The following CLK4 variants were observed in gnomAD, a reference collection of about 807,000 sequenced individuals.
CLK4 encodes the protein dual specificity protein kinase CLK4.
In CLK4, 37 loss-of-function variants were observed where a neutral mutation model predicts 64.4. The ratio of observed to expected loss-of-function variants is 0.57; its 90% CI spans 0.44 to 0.76. The LOEUF (loss-of-function observed/expected upper bound fraction) is 0.76. Among genes scored for constraint, CLK4 ranks in the 30% least tolerant of loss-of-function variants. The probability of loss-of-function intolerance (pLI) is 0.00; values close to 1 mark genes in which losing one functional copy is unlikely to be tolerated. For missense variants in CLK4, 457 were observed against 605.1 expected, an observed-to-expected ratio of 0.76 and a Z score of 2.57; for synonymous variants, 175 against 191.6, an observed-to-expected ratio of 0.91 and a Z score of 0.72.
intron 2 of CLK4, chr5:178,619,919 G>T: frequency 1.8e-6 from 1 of 570,662 alleles, no homozygotes; most frequent in Non-Finnish European, 3.0e-6. Flanking sequence ...GGGGACACCT[G>T]CCCAGTCAGA....
At chr5:178,618,398 T>G (rs1438382651) in intron 3 of CLK4, 158 bp downstream of exon 3, 1 of 255,624 alleles carries the variant, frequency 3.9e-6, no homozygotes, top group Non-Finnish European at 7.0e-6. Flanking sequence ...TACAAGAATT[T>G]GGAGGTTTCC....
At chr5:178,612,974 T>C (rs2113806213) in intron 7 of CLK4, 84 bp from the exon 8 acceptor site, 3 of 677,868 alleles carry the variant, frequency 4.4e-6, no homozygotes, top group Admixed American at 5.1e-5. Flanking sequence ...GCAAAGGATA[T>C]AGTGGTCAAG....
intron 11 of CLK4, chr5:178,604,726 A>G (rs1184167743): frequency 6.6e-6 from 1 of 152,318 alleles, no homozygotes; most frequent in Non-Finnish European, 1.5e-5. Flanking sequence ...CAGCTCAGGC[A>G]GCAATAATGC....
At chr5:178,619,024 A>T (rs1286937055) in intron 2 of CLK4, among the ~76,000 whole-genome samples, 1 of 152,228 alleles carries the variant, frequency 6.6e-6, no homozygotes, top group Non-Finnish European at 1.5e-5. Flanking sequence ...AGCTTGAGTC[A>T]AATCATTAAT....
At chr5:178,623,496 G>A in intron 1 of CLK4, 80 bp from the exon 2 acceptor site, 1 of 1,211,518 alleles carries the variant, frequency 8.3e-7, no homozygotes, top group Non-Finnish European at 1.1e-6. Flanking sequence ...TATTATTTAA[G>A]TTATCAAAAC....
chr5:178,620,776 T>C (rs995212147), intron 2 of CLK4: 1 of 274,354 alleles, frequency 3.6e-6, no homozygotes, highest in Admixed American at 4.5e-5. Flanking sequence ...TCCAACAATG[T>C]AGGAAATTCT....
At chr5:178,618,207 T>A (rs1764654959) in intron 3 of CLK4, 1 of 151,918 alleles carries the variant, frequency 6.6e-6, no homozygotes, top group Admixed American at 6.6e-5. Context: ...GATAAAGGGT[T>A]TCTAAGAAAA....
intron 11 of CLK4, chr5:178,604,815 A>T (rs1764442424): frequency 6.6e-6 from 1 of 152,190 alleles, no homozygotes; most frequent in African/African-American, 2.4e-5. Flanking sequence ...TCACAAGGTA[A>T]ATATTTTTTA....
In CLK4 at chr5:178,617,443, G is replaced by A; in HGVS notation, c.385-9C>T. The A allele has an allele frequency of 6.2e-7, 1 of 1,606,944 alleles. No homozygotes were observed. Among genetic ancestry groups the A allele is most frequent in the Non-Finnish European group, 8.5e-7 (1 of 1,173,808 alleles). ...TTCCTTCGGTGGCTCTTCTGGAACG[G>A]CAAGTGGGCAGCACCAAGATCGTCC... On this transcript the variant is annotated splice_polypyrimidine_tract_variant and intron_variant, in intron 3 of 12. Transcript: ENST00000316308. The surrounding 1 kb of genome is among the most constrained non-coding windows in gnomAD (Gnocchi z 5.2).
At chr5:178,624,698 A>C (rs979680709) in intron 1 of CLK4, among the ~76,000 whole-genome samples, 12 of 152,254 alleles carry the variant, frequency 7.9e-5, no homozygotes, top group African/African-American at 2.9e-4. Flanking sequence ...ACAATTCAGC[A>C]AGGAGCTGAA....
chr5:178,623,016 C>G (rs934039443), intron 2 of CLK4: 20 of 454,936 alleles, frequency 4.4e-5, no homozygotes, highest in African/African-American at 3.1e-4. Flanking sequence ...TTCACATTCA[C>G]TTACTGATCA....
At chr5:178,610,320 A>G (rs1338568531) in intron 9 of CLK4, among the ~76,000 whole-genome samples, 1 of 151,344 alleles carries the variant, frequency 6.6e-6, no homozygotes, top group Non-Finnish European at 1.5e-5. Flanking sequence ...TTTTTCAACC[A>G]CTCCTATCTC....
chr5:178,605,172 A>G, intron 11 of CLK4, 131 bp downstream of exon 11: 1 of 435,890 alleles, frequency 2.3e-6, no homozygotes. Context: ...AGTTACCTCC[A>G]GTACAGAAAA....
chr5:178,617,309 G>A lies in CLK4; in HGVS notation c.475+35C>T, dbSNP rs376110560. On this transcript the variant is annotated intron_variant, in intron 4 of 12. Transcript: ENST00000316308. This position sits in a 1 kb window ranked among gnomAD's most constrained non-coding sequence, Gnocchi z 5.2. Reference sequence around the variant, plus strand: ...TATTCTTAAAAAGATTATTCTTTCTGCAAAGTTTAAAAAGTGTTGAAAAAT... The same window carrying A: ...TATTCTTAAAAAGATTATTCTTTCTACAAAGTTTAAAAAGTGTTGAAAAAT... 2.0e-6 allele frequency: 3 copies of A among 1,507,094 alleles called. No homozygotes were observed. Among genetic ancestry groups the A allele is most frequent in the Admixed American group, 1.7e-5 (1 of 59,806 alleles). The allele number at this position is 1,507,094 out of a possible 1,614,324, so 93.4% of individuals were successfully genotyped here.
Position 178,608,064 on chromosome 5 carries a change from T to A in CLK4, c.1134+312A>T, listed in dbSNP as rs115924382. ...GCCATATTGATAGTCAACATAACTA[T>A]AACTGAAAACTGGCCACATTAACAC... On this transcript the variant is annotated intron_variant, in intron 10 of 12. Transcript: ENST00000316308. 4.6e-3 allele frequency among the ~76,000 whole-genome samples: 701 copies of A among 152,316 alleles called. 7 individuals carry two copies. The highest frequency in any genetic ancestry group is 0.016 in the African/African-American group (678 of 41,562).
intron 9 of CLK4, 23 bp from the exon 10 acceptor site, chr5:178,608,481 A>G: frequency 6.4e-7 from 1 of 1,572,860 alleles, no homozygotes; most frequent in Non-Finnish European, 8.7e-7. Context: ...AAATAGAAAC[A>G]TTTTACTATG....
chr5:178,614,379 GA>G (rs946066675), intron 5 of CLK4, among the ~76,000 whole-genome samples: 2 of 152,182 alleles, frequency 1.3e-5, no homozygotes, highest in African/African-American at 2.4e-5. Context: ...CCAGGTAAAG[GA>G]GACCCCAACT....
chr5:178,612,924 C>T, intron 7 of CLK4, 34 bp from the exon 8 acceptor site: 1 of 1,101,084 alleles, frequency 9.1e-7, no homozygotes. Flanking sequence ...ATTAGTTTCA[C>T]TTACAAACTT....
chr5:178,612,737 C>G, intron 8 of CLK4, 59 bp downstream of exon 8: 1 of 1,130,752 alleles, frequency 8.8e-7, no homozygotes, highest in Non-Finnish European at 1.3e-6. Context: ...ATCCAAAGAT[C>G]ATCAAGTTAA....
Sources: allele counts gnomAD v4.1 joint callset (sites outside exome capture counted in the v4.1 genomes callset), GRCh38; gene constraint gnomAD v4.1.1; non-coding constraint Gnocchi (gnomAD v3.1); transcripts MANE v1.5; gene names NCBI Gene and HGNC (gene_info 2026-07-23, HGNC 2026-07-21).